Variants in OPCML observed in about 807,000 individuals in gnomAD.
OPCML encodes the protein opioid-binding protein/cell adhesion molecule.
A neutral mutation model predicts 37.8 loss-of-function variants in OPCML; 13 were observed. That is an observed-to-expected ratio of 0.34 (90% CI 0.22 to 0.55). The LOEUF (loss-of-function observed/expected upper bound fraction) is 0.55, where lower values mean the gene tolerates loss of function less well. OPCML is among the 20% of genes least tolerant of loss of function. The probability of loss-of-function intolerance (pLI) is 0.91; values close to 1 mark genes in which losing one functional copy is unlikely to be tolerated. For missense variants in OPCML, 341 were observed against 435.6 expected, an observed-to-expected ratio of 0.78 and a Z score of 1.93; for synonymous variants, 176 against 168.8, an observed-to-expected ratio of 1.04 and a Z score of -0.33.
At position 133,153,262 on chromosome 11, in the gene OPCML, TGTCAGCTCCGGCATGAACCACGGGGAGG is replaced by T. The variant is rs573307139; in HGVS notation, c.62-210280_62-210253del. 2.0e-3 allele frequency among the ~76,000 whole-genome samples: 298 copies of T among 152,262 alleles called. No homozygotes were observed. In the Middle Eastern group the frequency reaches 0.024, roughly 12 times the overall value. On this transcript the variant is annotated intron_variant, in intron 1 of 7. Transcript: ENST00000524381. ...ATGGGGGAGGTGGAAGTCCGTTTCC[TGTCAGCTCCGGCATGAACCACGGGGAGG>T]GCTTATGGCTGGATGAAACCAGCGC... is the stretch of plus-strand genomic sequence containing the variant.
At chr11:132,672,492 G>A (rs750045010) in intron 2 of OPCML, among the ~76,000 whole-genome samples, 13 of 152,018 alleles carry the variant, frequency 8.6e-5, no homozygotes, top group African/African-American at 2.4e-4. Flanking sequence ...GGAAAGAAGC[G>A]GCTTAAATCA....
intron 1 of OPCML, among the ~76,000 whole-genome samples, chr11:133,287,929 G>A (rs530427635): frequency 3.3e-5 from 5 of 152,272 alleles, no homozygotes; most frequent in South Asian, 2.1e-4. Flanking sequence ...TCTGGCTCCC[G>A]CACCACGGCA....
chr11:133,499,910 T>C (rs1431439018), intron 1 of OPCML, among the ~76,000 whole-genome samples: 2 of 148,032 alleles, frequency 1.4e-5, no homozygotes, highest in Non-Finnish European at 3.0e-5. Context: ...CTCACTCTGT[T>C]GCCCAGGCTG....
intron 1 of OPCML, among the ~76,000 whole-genome samples, chr11:133,464,771 A>G (rs1406872653): frequency 6.6e-6 from 1 of 152,216 alleles, no homozygotes; most frequent in Non-Finnish European, 1.5e-5. Context: ...AGTGAGAGGT[A>G]ACAGTGACGT....
chr11:133,152,763 T>C (rs780331878), intron 1 of OPCML, among the ~76,000 whole-genome samples: 9 of 152,152 alleles, frequency 5.9e-5, no homozygotes, highest in Non-Finnish European at 1.3e-4. Flanking sequence ...ATTTGACAGG[T>C]TAATTTGAAA....
chr11:132,692,789 C>T (rs1339416672), intron 2 of OPCML, among the ~76,000 whole-genome samples: 1 of 152,096 alleles, frequency 6.6e-6, no homozygotes, highest in Non-Finnish European at 1.5e-5. Context: ...AAAGATGTTC[C>T]CTACCACTCA....
At chr11:133,012,012 G>T (rs2136877194) in intron 1 of OPCML, among the ~76,000 whole-genome samples, 1 of 152,280 alleles carries the variant, frequency 6.6e-6, no homozygotes, top group Middle Eastern at 3.4e-3. Flanking sequence ...GGCTGACTGT[G>T]TTTGGATCAT....
At chr11:132,512,212 T>C (rs1265079495) in intron 4 of OPCML, among the ~76,000 whole-genome samples, 1 of 152,092 alleles carries the variant, frequency 6.6e-6, no homozygotes, top group East Asian at 1.9e-4. Flanking sequence ...AAAGACAGGA[T>C]ACTATACAAT....
chr11:133,224,118 T>G (rs1939943104), intron 1 of OPCML, among the ~76,000 whole-genome samples: 2 of 152,190 alleles, frequency 1.3e-5, no homozygotes, highest in African/African-American at 4.8e-5. Context: ...CAATGCTTTG[T>G]AATCCTCCAG....
chr11:133,340,095 G>A (rs1455741672), intron 1 of OPCML, among the ~76,000 whole-genome samples: 1 of 152,180 alleles, frequency 6.6e-6, no homozygotes, highest in African/African-American at 2.4e-5. Flanking sequence ...ATGCAGCTGT[G>A]CCACTAAATG....
Position 132,419,467 on chromosome 11 carries a change from T to A in OPCML, c.*726A>T, listed in dbSNP as rs2095949867. 6.6e-6 allele frequency: 1 copy of A among 152,208 alleles called. No individual in the cohort carries two copies. The highest frequency in any genetic ancestry group is 1.5e-5 in the Non-Finnish European group (1 of 68,038). 9.4% of individuals were successfully genotyped at this position (152,208 alleles called of 1,614,324 possible). ...GAACTTCTCTTTTTAAAATAGAGGT[T>A]CTATCTTCAAAATGCCTCCCCCTTT... On this transcript the variant is annotated 3_prime_UTR_variant, in exon 8 of 8. Coordinates refer to ENST00000524381, the MANE Select transcript of OPCML (RefSeq NM_001012393.5).
At chr11:132,985,752 C>T (rs1379177288) in intron 1 of OPCML, among the ~76,000 whole-genome samples, 4 of 152,306 alleles carry the variant, frequency 2.6e-5, no homozygotes, top group East Asian at 1.9e-4. Context: ...CTAGGTCCAT[C>T]TTACAATTCG....
chr11:133,456,499 G>T (rs1565643504), intron 1 of OPCML, among the ~76,000 whole-genome samples: 1 of 151,846 alleles, frequency 6.6e-6, no homozygotes, highest in Non-Finnish European at 1.5e-5. Context: ...GCAAAATATG[G>T]CAAAATAAAA....
At chr11:133,503,111 G>A (rs561942985) in intron 1 of OPCML, among the ~76,000 whole-genome samples, 52 of 152,310 alleles carry the variant, frequency 3.4e-4, no homozygotes, top group Non-Finnish European at 6.5e-4. Context: ...TCTAAGCTCC[G>A]TGATGGTTTT....
chr11:133,214,627 A>G (rs1939510300), intron 1 of OPCML, among the ~76,000 whole-genome samples: 1 of 152,240 alleles, frequency 6.6e-6, no homozygotes, highest in Non-Finnish European at 1.5e-5. Flanking sequence ...TTTAACAGCT[A>G]TTTAATGTCC....
chr11:133,186,408 A>T (rs1938073800), intron 1 of OPCML, among the ~76,000 whole-genome samples: 1 of 152,134 alleles, frequency 6.6e-6, no homozygotes, highest in Non-Finnish European at 1.5e-5. Flanking sequence ...AAAGCGATTC[A>T]AATTCAGGCC....
intron 2 of OPCML, among the ~76,000 whole-genome samples, chr11:132,936,905 C>A (rs898659696): frequency 2.6e-5 from 4 of 151,964 alleles, no homozygotes; most frequent in African/African-American, 4.8e-5. Context: ...AAACAATAAA[C>A]AAACAGACCT....
At chr11:133,090,641 T>C (rs1189774172) in intron 1 of OPCML, among the ~76,000 whole-genome samples, 1 of 152,162 alleles carries the variant, frequency 6.6e-6, no homozygotes, top group East Asian at 1.9e-4. Context: ...TTAAGAGTGA[T>C]GAACTAGGAA....
intron 3 of OPCML, among the ~76,000 whole-genome samples, chr11:132,532,202 G>C (rs569035337): frequency 1.3e-5 from 2 of 152,132 alleles, no homozygotes; most frequent in Non-Finnish European, 2.9e-5. Context: ...TCCTGAAGTG[G>C]GATCGCGAAG....
Sources: gnomAD v4.1 joint callset for allele counts (sites outside exome capture counted in the v4.1 genomes callset) on GRCh38, gnomAD v4.1.1 for gene constraint, MANE v1.5 for transcripts, NCBI Gene and HGNC (gene_info 2026-07-23, HGNC 2026-07-21) for gene names.